TMEM163: variants seen among roughly 807,000 people sequenced by gnomAD.
TMEM163 encodes transmembrane protein 163.
In TMEM163, 17 loss-of-function variants were observed where a neutral mutation model predicts 29.3. That is an observed-to-expected ratio of 0.58 (90% CI 0.40 to 0.87). The LOEUF is 0.87. TMEM163 is among the 40% of genes least tolerant of loss of function. The pLI, the probability that TMEM163 is intolerant of heterozygous loss-of-function variation, is 0.00. For synonymous variants in TMEM163, 157 were observed against 160.6 expected (o/e 0.98, Z 0.17); for missense variants, 303 against 381.5 (o/e 0.79, Z 1.71).
chr2:134,549,426 C>A (rs1680861701), intron 4 of TMEM163, among the ~76,000 whole-genome samples: 1 of 152,230 alleles, frequency 6.6e-6, no homozygotes, highest in Non-Finnish European at 1.5e-5. Context: ...CGGCTCACTA[C>A]AGCCTCCACC....
chr2:134,649,508 A>C (rs141853424), intron 2 of TMEM163, among the ~76,000 whole-genome samples: 2 of 152,346 alleles, frequency 1.3e-5, no homozygotes, highest in East Asian at 3.9e-4. Flanking sequence ...CAATCTGGTA[A>C]TGTTTAGGTG....
chr2:134,547,895 T>C (rs1237633167), intron 4 of TMEM163, among the ~76,000 whole-genome samples: 1 of 152,230 alleles, frequency 6.6e-6, no homozygotes, highest in Non-Finnish European at 1.5e-5. Flanking sequence ...AATTTTGATC[T>C]TGGAAAACCT....
At chr2:134,491,243 A>G (rs1679422501) in intron 5 of TMEM163, among the ~76,000 whole-genome samples, 1 of 152,200 alleles carries the variant, frequency 6.6e-6, no homozygotes, top group Non-Finnish European at 1.5e-5. Flanking sequence ...AGATGCCTCT[A>G]GAGCAGGCTG....
intron 3 of TMEM163, among the ~76,000 whole-genome samples, chr2:134,551,141 T>C (rs1680910573): frequency 6.6e-6 from 1 of 152,184 alleles, no homozygotes; most frequent in South Asian, 2.1e-4. Context: ...AATTCAATGC[T>C]TTTGTTTGAA....
intron 5 of TMEM163, among the ~76,000 whole-genome samples, chr2:134,490,787 G>C (rs544582780): frequency 2.6e-5 from 4 of 152,108 alleles, no homozygotes; most frequent in Non-Finnish European, 5.9e-5. Context: ...CCTCATGACC[G>C]CTAGAGCTCA....
At chr2:134,516,742 C>CATAT (rs10673331) in intron 4 of TMEM163, among the ~76,000 whole-genome samples, 28 of 113,064 alleles carry the variant, frequency 2.5e-4, no homozygotes, top group South Asian at 8.4e-4. Context: ...CATATATATG[C>CATAT]ATATATATAT....
chr2:134,626,297 G>A (rs1404565156), intron 2 of TMEM163, among the ~76,000 whole-genome samples: 2 of 151,872 alleles, frequency 1.3e-5, no homozygotes, highest in Non-Finnish European at 2.9e-5. Flanking sequence ...TAGAGACAGG[G>A]TTTCACCATG....
chr2:134,480,605 AG>A (rs1205263970), intron 5 of TMEM163, among the ~76,000 whole-genome samples: 1 of 152,192 alleles, frequency 6.6e-6, no homozygotes, highest in Admixed American at 6.5e-5. Context: ...ACACTGATTT[AG>A]GAACAAGTTG....
Position 134,631,078 on chromosome 2 carries a change from T to C in TMEM163, c.323-78987A>G, listed in dbSNP as rs145688555. 8.5e-3 allele frequency among the ~76,000 whole-genome samples: 1,290 copies of C among 152,124 alleles called. 9 individuals are homozygous for C. The highest frequency in any genetic ancestry group is 0.013 in the Admixed American group (199 of 15,284). On this transcript the variant is annotated intron_variant, in intron 2 of 7. Transcript: ENST00000281924. Reference sequence around the variant, plus strand: ...AGTACAAACAAGAACCTAAAAGGAATGAATTAAAGGCATTCCAGGTGTACA... The same window carrying C: ...AGTACAAACAAGAACCTAAAAGGAACGAATTAAAGGCATTCCAGGTGTACA...
chr2:134,650,020 AAAAAAG>A (rs773150879), intron 2 of TMEM163, among the ~76,000 whole-genome samples: 2,186 of 150,494 alleles, frequency 0.015, 97 homozygotes, highest in East Asian at 0.12. Context: ...AAAAAAAAAA[AAAAAAG>A]AATGATGTAG....
chr2:134,648,300 T>TTCTCC lies in TMEM163; in HGVS notation c.322+64895_322+64899dup, dbSNP rs1203199485. On this transcript the variant is annotated intron_variant, in intron 2 of 7. Coordinates refer to ENST00000281924, the MANE Select transcript of TMEM163 (RefSeq NM_030923.5). ...ACCATAGTCTCTGGCATCTCACTGCTTCTCCTCTTCTCTTCTCTTCTCTTC... is the reference window on the plus strand; with the variant it reads ...ACCATAGTCTCTGGCATCTCACTGCTTCTCCTCTCCTCTTCTCTTCTCTTCTCTTC... Among the ~76,000 whole-genome samples, 410 of 51,302 alleles carry TTCTCC rather than the reference T, an allele frequency of 8.0e-3. 4 individuals carry two copies. The highest frequency in any genetic ancestry group is 0.022 in the African/African-American group (393 of 17,672). 33.7% of individuals were successfully genotyped at this position (51,302 alleles called of 152,430 possible).
intron 2 of TMEM163, among the ~76,000 whole-genome samples, chr2:134,632,698 G>A (rs867467964): frequency 7.9e-5 from 12 of 151,774 alleles, no homozygotes; most frequent in Middle Eastern, 6.8e-3. Context: ...ATTCATGGTG[G>A]CAAAGCCTCA....
chr2:134,601,156 C>A (rs947133206), intron 2 of TMEM163, among the ~76,000 whole-genome samples: 12 of 151,988 alleles, frequency 7.9e-5, no homozygotes, highest in Non-Finnish European at 1.5e-4. Context: ...AATATATTAA[C>A]AATATAGATT....
At chr2:134,655,172 C>A (rs1183665920) in intron 2 of TMEM163, among the ~76,000 whole-genome samples, 1 of 140,832 alleles carries the variant, frequency 7.1e-6, no homozygotes, top group Non-Finnish European at 1.5e-5. Flanking sequence ...CTCACCATCA[C>A]TTTCAGGTAC....
chr2:134,464,520 CCAA>C (rs1686619183), intron 6 of TMEM163, among the ~76,000 whole-genome samples: 1 of 152,098 alleles, frequency 6.6e-6, no homozygotes, highest in South Asian at 2.1e-4. Flanking sequence ...CCTGTAACCC[CCAA>C]CATCTTCAGG....
chr2:134,510,883 C>T (rs975941209), intron 4 of TMEM163, among the ~76,000 whole-genome samples: 1 of 152,138 alleles, frequency 6.6e-6, no homozygotes, highest in Admixed American at 6.5e-5. Flanking sequence ...AAGAAAGGAA[C>T]AGGGAACAGC....
intron 2 of TMEM163, among the ~76,000 whole-genome samples, chr2:134,578,277 C>G (rs1681610835): frequency 6.6e-6 from 1 of 152,176 alleles, no homozygotes; most frequent in Admixed American, 6.5e-5. Context: ...ACACTATTTC[C>G]TGTTCTGGAT....
chr2:134,623,489 C>T (rs1558968235), intron 2 of TMEM163, among the ~76,000 whole-genome samples: 1 of 152,150 alleles, frequency 6.6e-6, no homozygotes, highest in Non-Finnish European at 1.5e-5. Context: ...TATAAGTTGC[C>T]GGCCGCAGTG....
intron 6 of TMEM163, among the ~76,000 whole-genome samples, chr2:134,459,561 C>T (rs1162636265): frequency 6.9e-6 from 1 of 144,394 alleles, no homozygotes; most frequent in Non-Finnish European, 1.6e-5. Context: ...CACGCCTCCC[C>T]CATCTGCTAC....
Sources: gnomAD v4.1 joint callset for allele counts (sites outside exome capture counted in the v4.1 genomes callset) on GRCh38, gnomAD v4.1.1 for gene constraint, MANE v1.5 for transcripts, NCBI Gene and HGNC (gene_info 2026-07-23, HGNC 2026-07-21) for gene names.